The following ANKRD30B variants were observed in gnomAD, a reference collection of about 807,000 sequenced individuals.
ANKRD30B encodes ankyrin repeat domain-containing protein 30B.
A neutral mutation model predicts 202.2 loss-of-function variants in ANKRD30B; 144 were observed. The ratio of observed to expected loss-of-function variants is 0.71; its 90% CI spans 0.62 to 0.82. ANKRD30B has a LOEUF of 0.82. ANKRD30B is among the 40% of genes least tolerant of loss of function. ANKRD30B has a pLI of 0.00. For synonymous variants in ANKRD30B, 508 were observed against 561.3 expected, an observed-to-expected ratio of 0.91 and a Z score of 1.34; for missense variants, 1,487 against 1,669.1, an observed-to-expected ratio of 0.89 and a Z score of 1.90.
the ANKRD30B span, among the ~76,000 whole-genome samples, chr18:14,896,001 C>G: frequency 5.6e-3 from 858 of 152,232 alleles, 4 homozygotes; most frequent in African/African-American, 0.02. Context: ...AAGCGTGGAC[C>G]TTAGTATAAA....
At chr18:14,789,313 G>T (rs1348481450) in intron 15 of ANKRD30B, among the ~76,000 whole-genome samples, 1 of 152,194 alleles carries the variant, frequency 6.6e-6, no homozygotes, top group Admixed American at 6.5e-5. Context: ...AGAGTAGGTT[G>T]CGAAAATGTT....
the ANKRD30B span, among the ~76,000 whole-genome samples, chr18:14,912,577 T>G: frequency 6.6e-6 from 1 of 152,198 alleles, no homozygotes; most frequent in Non-Finnish European, 1.5e-5. Context: ...TATGTAGTGT[T>G]CTTCTTTTGT....
In ANKRD30B at chr18:14,754,966, CA is replaced by C. The variant is rs1207049839; in HGVS notation, c.584del (p.Asn195MetfsTer26). 1.2e-5 allele frequency: 19 copies of C among 1,545,374 alleles called. No individual in the cohort carries two copies. Among genetic ancestry groups the C allele is most frequent in the African/African-American group, 2.8e-5 (2 of 72,452 alleles). On this transcript the variant is annotated frameshift_variant, in exon 4 of 44. Transcript: ENST00000690538. LOFTEE classifies it high-confidence loss of function. Reference sequence around the variant, plus strand: ...AAGCAAACTGTGGAATTTTTACTAACAAAAAATGCAAATGCAAACGCATTTA... The same window carrying C: ...AAGCAAACTGTGGAATTTTTACTAACAAAAATGCAAATGCAAACGCATTTA... ...RSKQTVEFLL[T>X]KNANANAFNE...
chr18:14,756,180 C>G (rs907387935), intron 4 of ANKRD30B, among the ~76,000 whole-genome samples: 1 of 152,092 alleles, frequency 6.6e-6, no homozygotes, highest in Non-Finnish European at 1.5e-5. Flanking sequence ...TTTCATGTGT[C>G]TTTTGGCTGC....
rs1485004074 is a variant in ANKRD30B, at chr18:14,806,474, G to A, written c.2285-2077G>A. 4.6e-5 allele frequency among the ~76,000 whole-genome samples: 7 copies of A among 150,864 alleles called. 1 individual carries two copies. Among genetic ancestry groups the A allele is most frequent in the African/African-American group, 7.4e-5 (3 of 40,794 alleles). ...TCTTTAGAGCCATGCCATGTGACCC[G>A]TCCTGATTTTAAAATCTCCAGTGTA... is the stretch of plus-strand genomic sequence containing the variant. On this transcript the variant is annotated intron_variant, in intron 24 of 43. Transcript: ENST00000690538.
intron 33 of ANKRD30B, among the ~76,000 whole-genome samples, chr18:14,828,831 G>C (rs1970778251): frequency 6.6e-6 from 1 of 152,102 alleles, no homozygotes; most frequent in African/African-American, 2.4e-5. Context: ...ATCTTACTTA[G>C]CTGTGGCCAC....
At chr18:14,816,641 T>TG (rs1286788841) in intron 30 of ANKRD30B, 4 of 121,696 alleles carry the variant, frequency 3.3e-5, no homozygotes, top group Non-Finnish European at 6.5e-5. Flanking sequence ...CCAGACTCTG[T>TG]GAAAAAAAAA....
chr18:14,790,844 A>G (rs972421169), intron 15 of ANKRD30B, among the ~76,000 whole-genome samples: 1 of 151,926 alleles, frequency 6.6e-6, no homozygotes, highest in African/African-American at 2.4e-5. Flanking sequence ...TATTGGTCTA[A>G]AATTCTCTTT....
At chr18:14,875,288 C>T in the ANKRD30B span, among the ~76,000 whole-genome samples, 4 of 152,172 alleles carry the variant, frequency 2.6e-5, no homozygotes, top group African/African-American at 9.7e-5. Context: ...TGAGAAGCTA[C>T]ATGGCCATGT....
intron 39 of ANKRD30B, among the ~76,000 whole-genome samples, chr18:14,843,773 G>A (rs1971522488): frequency 6.6e-6 from 1 of 152,064 alleles, no homozygotes; most frequent in Non-Finnish European, 1.5e-5. Context: ...CAGCCTAGGG[G>A]ACAGAGCGAG....
chr18:14,922,274 G>T, the ANKRD30B span, among the ~76,000 whole-genome samples: 2 of 152,064 alleles, frequency 1.3e-5, no homozygotes, highest in Non-Finnish European at 2.9e-5. Flanking sequence ...AGCCAGAGGG[G>T]TATCTCCCAT....
chr18:14,754,753 A>G, intron 3 of ANKRD30B, 146 bp from the exon 4 acceptor site: 1 of 509,192 alleles, frequency 2.0e-6, no homozygotes, highest in Non-Finnish European at 3.3e-6. Flanking sequence ...GAAAGCACAG[A>G]AAAAGGAGAA....
intron 16 of ANKRD30B, among the ~76,000 whole-genome samples, 166 bp from the exon 17 acceptor site, chr18:14,796,055 C>T (rs546820980): frequency 3.0e-4 from 46 of 152,058 alleles, no homozygotes; most frequent in Middle Eastern, 6.8e-3. Context: ...TATTTCTGTC[C>T]CGTTGGCATG....
At chr18:14,921,467 C>G in the ANKRD30B span, among the ~76,000 whole-genome samples, 3 of 152,084 alleles carry the variant, frequency 2.0e-5, no homozygotes, top group African/African-American at 7.2e-5. Context: ...GAGACACAAC[C>G]CAAGGTGTCA....
chr18:14,871,218 C>G, the ANKRD30B span, among the ~76,000 whole-genome samples: 2 of 87,108 alleles, frequency 2.3e-5, no homozygotes, highest in African/African-American at 8.8e-5. Context: ...TGCTGCACCC[C>G]CACCCCACCC....
At chr18:14,892,742 CAAAAAAAAA>C in the ANKRD30B span, among the ~76,000 whole-genome samples, 3 of 72,902 alleles carry the variant, frequency 4.1e-5, no homozygotes, top group African/African-American at 5.8e-5. Flanking sequence ...TCTGTTTCAC[CAAAAAAAAA>C]AAAAAAAAAA....
intron 7 of ANKRD30B, 108 bp from the exon 8 acceptor site, chr18:14,769,235 T>C: frequency 1.2e-6 from 1 of 817,452 alleles, no homozygotes. Context: ...CCTTCCCAAG[T>C]AGCTGGGATT....
the ANKRD30B span, among the ~76,000 whole-genome samples, chr18:14,869,083 C>G: frequency 6.6e-6 from 1 of 152,196 alleles, no homozygotes; most frequent in Non-Finnish European, 1.5e-5. Flanking sequence ...TTATTGTTAG[C>G]AAATTTCTGA....
At chr18:14,749,107 T>G (rs1286843982) in intron 1 of ANKRD30B, among the ~76,000 whole-genome samples, 2 of 152,224 alleles carry the variant, frequency 1.3e-5, no homozygotes, top group Admixed American at 6.5e-5. Context: ...AATGTCCATT[T>G]TGATATCAAT....
Sources: gnomAD v4.1 joint callset for allele counts (sites outside exome capture counted in the v4.1 genomes callset) on GRCh38, gnomAD v4.1.1 for gene constraint, MANE v1.5 for transcripts, NCBI Gene and HGNC (gene_info 2026-07-23, HGNC 2026-07-21) for gene names.